Variants in GPATCH2 observed in about 807,000 individuals in gnomAD.
GPATCH2 encodes G-patch domain containing 2, also known as G patch domain-containing protein 2.
GPATCH2 carries 51 observed loss-of-function variants against 58.0 expected under a neutral mutation model. The observed-to-expected ratio is 0.88, with a 90% CI of 0.70 to 1.11. The LOEUF (loss-of-function observed/expected upper bound fraction) is 1.11. Ranked by LOEUF, GPATCH2 falls within the 50% of genes most tolerant of loss-of-function variation. GPATCH2 has a pLI of 0.00. For synonymous variants in GPATCH2, 222 were observed against 218.5 expected, an observed-to-expected ratio of 1.02 and a Z score of -0.14; for missense variants, 625 against 652.2, an observed-to-expected ratio of 0.96 and a Z score of 0.45.
intron 3 of GPATCH2, among the ~76,000 whole-genome samples, chr1:217,611,340 C>A (rs570229315): frequency 1.3e-5 from 2 of 152,174 alleles, no homozygotes; most frequent in East Asian, 3.9e-4. Context: ...TTTTATTTGA[C>A]AACTGCATAT....
intron 5 of GPATCH2, among the ~76,000 whole-genome samples, chr1:217,531,076 AT>A (rs71556687): frequency 0.57 from 86,740 of 150,918 alleles, 26,134 homozygotes; most frequent in East Asian, 0.84. Flanking sequence ...CACACACTTT[AT>A]TTAATTTTAT....
chr1:217,605,296 T>C (rs1352382738), intron 5 of GPATCH2, among the ~76,000 whole-genome samples: 1 of 152,226 alleles, frequency 6.6e-6, no homozygotes, highest in Admixed American at 6.5e-5. Context: ...GGTTTTTGTA[T>C]AGTGAATGCA....
At chr1:217,549,166 C>G (rs1476141177) in intron 5 of GPATCH2, among the ~76,000 whole-genome samples, 1 of 152,174 alleles carries the variant, frequency 6.6e-6, no homozygotes, top group East Asian at 1.9e-4. Flanking sequence ...CACAGCCTCT[C>G]AGTTCAATTA....
At chr1:217,441,668 C>G (rs1659147606) in intron 9 of GPATCH2, among the ~76,000 whole-genome samples, 2 of 152,034 alleles carry the variant, frequency 1.3e-5, no homozygotes, top group Non-Finnish European at 2.9e-5. Flanking sequence ...ACAACCCCAT[C>G]AAAAAGTGGG....
intron 8 of GPATCH2, among the ~76,000 whole-genome samples, chr1:217,459,344 T>C (rs915945510): frequency 2.0e-5 from 3 of 152,184 alleles, no homozygotes; most frequent in Non-Finnish European, 4.4e-5. Flanking sequence ...GACCACCTCT[T>C]TGGGGAAATT....
chr1:217,614,665 T>C (rs971540610), intron 2 of GPATCH2, among the ~76,000 whole-genome samples: 10 of 151,782 alleles, frequency 6.6e-5, no homozygotes, highest in Admixed American at 5.3e-4. Context: ...TTACAAATAT[T>C]CTGGAGAAGA....
At chr1:217,448,650 T>G (rs1257445161) in intron 9 of GPATCH2, among the ~76,000 whole-genome samples, 1 of 152,212 alleles carries the variant, frequency 6.6e-6, no homozygotes, top group Non-Finnish European at 1.5e-5. Context: ...GATCAGTACT[T>G]GTAGTCTTCT....
chr1:217,500,140 CTT>C (rs1428520406), intron 6 of GPATCH2, among the ~76,000 whole-genome samples: 4 of 151,962 alleles, frequency 2.6e-5, no homozygotes, highest in African/African-American at 9.7e-5. Context: ...TGATATTTGT[CTT>C]GTTTTTGCTA....
intron 5 of GPATCH2, among the ~76,000 whole-genome samples, chr1:217,600,626 G>C (rs1668062551): frequency 6.6e-6 from 1 of 152,016 alleles, no homozygotes. Context: ...GAGCTTCCAA[G>C]AAAGTAAAAT....
At chr1:217,455,757 A>C in intron 8 of GPATCH2, among the ~76,000 whole-genome samples, 1 of 152,054 alleles carries the variant, frequency 6.6e-6, no homozygotes, top group East Asian at 1.9e-4. Context: ...CTAAATGAGA[A>C]TAGGCATTCC....
chr1:217,550,103 T>C (rs1665274598), intron 5 of GPATCH2, among the ~76,000 whole-genome samples: 1 of 152,126 alleles, frequency 6.6e-6, no homozygotes, highest in Non-Finnish European at 1.5e-5. Flanking sequence ...AATATAAGAC[T>C]TTGAGGCAGC....
rs1302817265 is a variant in GPATCH2, at chr1:217,521,593, A to C, written c.1099-6704T>G. On this transcript the variant is annotated intron_variant, in intron 5 of 9. Coordinates refer to ENST00000366935, the MANE Select transcript of GPATCH2 (RefSeq NM_018040.5). ...CACATATTATAGAAGGACTAACAAG[A>C]ATAACAAACGGCTCCCCTACTAATC... Among the ~76,000 whole-genome samples the C allele has an allele frequency of 2.0e-5, 3 of 152,286 alleles. No individual in the cohort carries two copies. The East Asian group carries it at 5.8e-4, about 29-fold the overall frequency.
chr1:217,567,504 G>A (rs1174435854), intron 5 of GPATCH2, among the ~76,000 whole-genome samples: 2 of 152,120 alleles, frequency 1.3e-5, no homozygotes, highest in Admixed American at 6.5e-5. Context: ...TGTAAAGTAC[G>A]TGCAAGCACA....
intron 5 of GPATCH2, among the ~76,000 whole-genome samples, chr1:217,600,294 G>A (rs1481205979): frequency 6.6e-6 from 1 of 152,064 alleles, no homozygotes; most frequent in Non-Finnish European, 1.5e-5. Context: ...GGCATCTCTG[G>A]TTTATCAGAA....
At chr1:217,627,729 C>T (rs1047064905) in intron 1 of GPATCH2, among the ~76,000 whole-genome samples, 1 of 151,954 alleles carries the variant, frequency 6.6e-6, no homozygotes, top group Non-Finnish European at 1.5e-5. Flanking sequence ...AAAAAAAAGT[C>T]TAACCCTAGT....
chr1:217,613,376 T>A (rs1472986695), intron 3 of GPATCH2, among the ~76,000 whole-genome samples: 2 of 152,134 alleles, frequency 1.3e-5, no homozygotes, highest in African/African-American at 4.8e-5. Flanking sequence ...TAATTTAAAA[T>A]TTATATTAGT....
chr1:217,617,550 C>G (rs1044208034), intron 2 of GPATCH2, among the ~76,000 whole-genome samples: 1 of 152,058 alleles, frequency 6.6e-6, no homozygotes, highest in African/African-American at 2.4e-5. Flanking sequence ...ACACAGCCCC[C>G]CACACTGAAG....
Position 217,478,763 on chromosome 1 carries a change from A to T in GPATCH2, c.1277+12917T>A, listed in dbSNP as rs370282809. ...ACCTAGAGAAAGATATCAATATGTA[A>T]GTCCAAGAAGGTTATAGAACACTAA... On this transcript the variant is annotated intron_variant, in intron 8 of 9. Coordinates refer to ENST00000366935, the MANE Select transcript of GPATCH2 (RefSeq NM_018040.5). 6.6e-5 allele frequency among the ~76,000 whole-genome samples: 10 copies of T among 152,210 alleles called. No homozygotes were observed. The East Asian group carries it at 1.5e-3, about 23-fold the overall frequency.
rs755559869 is a variant in GPATCH2, at chr1:217,630,924, C to G, written c.48G>C (p.Gly16=). 1 of 1,589,440 alleles carries G rather than the reference C, an allele frequency of 6.3e-7. No homozygotes were observed. Among genetic ancestry groups the G allele is most frequent in the South Asian group, 1.1e-5 (1 of 88,778 alleles). Reference sequence around the variant, plus strand: ...AGGGCCGCCAGCCTCACCAGCTGTTCCCGGCTGCTGGAGCTCCGATCGGTT... The same window carrying G: ...AGGGCCGCCAGCCTCACCAGCTGTTGCCGGCTGCTGGAGCTCCGATCGGTT... The part of the protein sequence containing the change: ...GRQPIGAPAA[G]NSWHFSRTME... Residue 16 remains glycine (G), a synonymous_variant, in exon 1 of 10, where the codon GGG becomes GGC. Transcript: ENST00000366935.
Sources: gnomAD v4.1 joint callset for allele counts (sites outside exome capture counted in the v4.1 genomes callset) on GRCh38, gnomAD v4.1.1 for gene constraint, MANE v1.5 for transcripts, NCBI Gene and HGNC (gene_info 2026-07-23, HGNC 2026-07-21) for gene names.